SEMA4D: variants seen among roughly 807,000 people sequenced by gnomAD.
The protein encoded by SEMA4D is semaphorin-4D.
Under a neutral mutation model 74.8 loss-of-function variants are expected in SEMA4D, and 22 were observed. That is an observed-to-expected ratio of 0.29 (90% CI 0.21 to 0.42). The LOEUF (loss-of-function observed/expected upper bound fraction) is 0.42, where lower values mean the gene tolerates loss of function less well. Ranked by LOEUF, SEMA4D falls within the 10% of genes least tolerant of loss-of-function variation. The pLI is 1.00. For missense variants in SEMA4D, 937 were observed against 1,118.4 expected (o/e 0.84, Z 2.31); for synonymous variants, 445 against 463.7 (o/e 0.96, Z 0.52).
chr9:89,441,342 G>C (rs112487209), intron 2 of SEMA4D, among the ~76,000 whole-genome samples: 2,076 of 152,384 alleles, frequency 0.014, 22 homozygotes, highest in Middle Eastern at 0.078. Context: ...GGCCATCAGG[G>C]AGGACTCTTC....
chr9:89,427,631 C>CG (rs1848380912), intron 2 of SEMA4D, among the ~76,000 whole-genome samples: 1 of 152,224 alleles, frequency 6.6e-6, no homozygotes, highest in African/African-American at 2.4e-5. Context: ...CTCCACCCCC[C>CG]GGTCAGCAGC....
At chr9:89,379,690 C>T (rs773051933) in intron 15 of SEMA4D, 61 bp from the exon 16 acceptor site, 200 of 1,520,132 alleles carry the variant, frequency 1.3e-4, no homozygotes, top group Non-Finnish European at 1.7e-4. Context: ...TTAACAACTT[C>T]TTTAAAATAC....
chr9:89,383,599 G>A (rs1405215361), intron 13 of SEMA4D, among the ~76,000 whole-genome samples: 1 of 152,126 alleles, frequency 6.6e-6, no homozygotes. Flanking sequence ...AGGTAGGAGG[G>A]TCCAGGGTCT....
chr9:89,366,753 T>C (rs1346293125), intron 16 of SEMA4D, among the ~76,000 whole-genome samples: 1 of 152,204 alleles, frequency 6.6e-6, no homozygotes, highest in Non-Finnish European at 1.5e-5. Flanking sequence ...TTTTTTGAGC[T>C]GTTATGATCA....
At chr9:89,414,823 C>A (rs1204701265) in intron 2 of SEMA4D, among the ~76,000 whole-genome samples, 1 of 152,226 alleles carries the variant, frequency 6.6e-6, no homozygotes, top group Non-Finnish European at 1.5e-5. Flanking sequence ...GACCAGTCTA[C>A]TTCACCCTCA....
chr9:89,466,849 G>A (rs191273941), intron 1 of SEMA4D, among the ~76,000 whole-genome samples: 19 of 152,198 alleles, frequency 1.2e-4, no homozygotes, highest in East Asian at 3.9e-4. Flanking sequence ...TGTCATTATC[G>A]GAGCCTCCTT....
intron 13 of SEMA4D, chr9:89,385,544 A>C: frequency 1.0e-6 from 1 of 985,364 alleles, no homozygotes; most frequent in Non-Finnish European, 1.2e-6. Flanking sequence ...TAACTTGCTC[A>C]GGCTATTTCA....
intron 1 of SEMA4D, among the ~76,000 whole-genome samples, chr9:89,467,888 C>T (rs2135879831): frequency 6.6e-6 from 1 of 152,314 alleles, no homozygotes; most frequent in East Asian, 1.9e-4. Flanking sequence ...GGAGAGCTGG[C>T]AGTGGCATGT....
At chr9:89,456,125 C>A (rs776737276) in intron 1 of SEMA4D, among the ~76,000 whole-genome samples, 172 bp from the exon 2 acceptor site, 1 of 152,230 alleles carries the variant, frequency 6.6e-6, no homozygotes, top group Non-Finnish European at 1.5e-5. Flanking sequence ...TACCTGGCCA[C>A]GTGAGACCAG....
chr9:89,460,431 T>G (rs1218685384), intron 1 of SEMA4D, among the ~76,000 whole-genome samples: 2 of 152,234 alleles, frequency 1.3e-5, no homozygotes, highest in Non-Finnish European at 2.9e-5. Flanking sequence ...CTTTGCATAC[T>G]CCTAAGAAAG....
chr9:89,390,111 T>G (rs1402217661), intron 9 of SEMA4D, among the ~76,000 whole-genome samples: 2 of 152,208 alleles, frequency 1.3e-5, no homozygotes, highest in African/African-American at 4.8e-5. Flanking sequence ...CTGATCCTGC[T>G]GCAAACCCTC....
intron 2 of SEMA4D, among the ~76,000 whole-genome samples, chr9:89,422,434 G>T (rs1026638918): frequency 1.3e-5 from 2 of 152,260 alleles, no homozygotes; most frequent in Non-Finnish European, 2.9e-5. Context: ...AACATGGGAA[G>T]TGGGACAGGC....
At chr9:89,405,286 C>A in intron 3 of SEMA4D, 65 bp downstream of exon 3, 1 of 1,433,660 alleles carries the variant, frequency 7.0e-7, no homozygotes, top group East Asian at 2.3e-5. Flanking sequence ...CCACCCACCT[C>A]AGCATCCCAG....
chr9:89,478,065 C>T (rs748767086), intron 1 of SEMA4D, among the ~76,000 whole-genome samples: 5 of 152,242 alleles, frequency 3.3e-5, no homozygotes, highest in African/African-American at 9.6e-5. Flanking sequence ...CTGATAAAGC[C>T]CTGCTGAAAT....
In SEMA4D at chr9:89,387,485, G is replaced by A; in HGVS notation, c.1231C>T (p.Pro411Ser). The change falls in exon 12 of 16, where the codon CCC (proline) becomes TCC (serine). Residue 411 changes from proline (P) to serine (S), a missense_variant. Coordinates refer to ENST00000422704, the MANE Select transcript of SEMA4D (RefSeq NM_001371194.2). ...DDSVTPIDNR[P>S]RLIKKDVNYT... The stretch of plus-strand genomic sequence containing the variant: ...TTCACATCTTTCTTGATTAACCTGG[G>A]CCTGTTGTCTATTGGGGTTACCGAG... The A allele has an allele frequency of 1.2e-6, 2 of 1,614,186 alleles. No individual in the cohort carries two copies. Among genetic ancestry groups the A allele is most frequent in the Non-Finnish European group, 1.7e-6 (2 of 1,180,020 alleles).
At chr9:89,400,477 A>G (rs552042196) in intron 4 of SEMA4D, among the ~76,000 whole-genome samples, 1 of 152,328 alleles carries the variant, frequency 6.6e-6, no homozygotes, top group South Asian at 2.1e-4. Context: ...CAGGGCTTCT[A>G]GGAGGGAGAG....
intron 1 of SEMA4D, among the ~76,000 whole-genome samples, chr9:89,482,817 A>G (rs963991626): frequency 1.3e-5 from 2 of 152,174 alleles, no homozygotes; most frequent in African/African-American, 4.8e-5. Context: ...AAGGGGAGAG[A>G]GCATGTCTGC....
chr9:89,417,737 C>G (rs937387885), intron 2 of SEMA4D, among the ~76,000 whole-genome samples: 25 of 152,338 alleles, frequency 1.6e-4, no homozygotes, highest in South Asian at 1.0e-3. Flanking sequence ...CTGGTGCAGG[C>G]ACCAGGGGCC....
intron 15 of SEMA4D, among the ~76,000 whole-genome samples, 186 bp downstream of exon 15, chr9:89,380,868 TC>T (rs1360793608): frequency 6.6e-6 from 1 of 152,176 alleles, no homozygotes; most frequent in East Asian, 1.9e-4. Context: ...CTAAGTGGCT[TC>T]AAGTACTCTT....
Sources: allele counts gnomAD v4.1 joint callset (sites outside exome capture counted in the v4.1 genomes callset), GRCh38; gene constraint gnomAD v4.1.1; transcripts MANE v1.5; gene names NCBI Gene and HGNC (gene_info 2026-07-23, HGNC 2026-07-21).